WWP2: variants seen among roughly 807,000 people sequenced by gnomAD.
WWP2 encodes WW domain containing E3 ubiquitin protein ligase 2.
WWP2 carries 57 observed loss-of-function variants against 121.0 expected under a neutral mutation model. That is an observed-to-expected ratio of 0.47 (90% CI 0.38 to 0.59). The LOEUF is 0.59. WWP2 is among the 20% of genes least tolerant of loss of function. The probability of loss-of-function intolerance (pLI) is 0.00; values close to 1 mark genes in which losing one functional copy is unlikely to be tolerated. For missense variants in WWP2, 962 were observed against 1,158.9 expected, an observed-to-expected ratio of 0.83 and a Z score of 2.47; for synonymous variants, 449 against 441.3, an observed-to-expected ratio of 1.02 and a Z score of -0.22.
intron 9 of WWP2, among the ~76,000 whole-genome samples, chr16:69,912,945 A>T: frequency 5.4e-4 from 2 of 3,672 alleles, no homozygotes; most frequent in Non-Finnish European, 8.4e-4. Flanking sequence ...AAAAAAAAAA[A>T]AAAAAAAAAA....
At chr16:69,917,501 T>A (rs184366264) in intron 9 of WWP2, 6 of 503,052 alleles carry the variant, frequency 1.2e-5, no homozygotes, top group Non-Finnish European at 2.1e-5. Context: ...CAGAACCACA[T>A]GGATCCCCAA....
At chr16:69,896,601 T>C (rs2058107940) in intron 8 of WWP2, among the ~76,000 whole-genome samples, 1 of 152,160 alleles carries the variant, frequency 6.6e-6, no homozygotes, top group Non-Finnish European at 1.5e-5. Flanking sequence ...CTGATCTTAT[T>C]ATAAAAGCCC....
At chr16:69,917,670 G>C (rs1281226425) in intron 9 of WWP2, 39 bp from the exon 10 acceptor site, 1 of 1,590,280 alleles carries the variant, frequency 6.3e-7, no homozygotes, top group Admixed American at 1.7e-5. Flanking sequence ...GATGGGAGTG[G>C]GGTGGTCATT....
At chr16:69,878,887 T>C (rs901108870) in intron 7 of WWP2, among the ~76,000 whole-genome samples, 1 of 152,094 alleles carries the variant, frequency 6.6e-6, no homozygotes, top group African/African-American at 2.4e-5. Context: ...CTAGTGTGTA[T>C]TAGCAGACCG....
chr16:69,866,711 G>A (rs1481210891), intron 6 of WWP2, among the ~76,000 whole-genome samples: 2 of 152,240 alleles, frequency 1.3e-5, no homozygotes, highest in South Asian at 4.2e-4. Flanking sequence ...TGTCGAGGAT[G>A]GGTTGCTTCT....
intron 6 of WWP2, among the ~76,000 whole-genome samples, chr16:69,849,590 A>T (rs16959270): frequency 2.6e-4 from 40 of 152,232 alleles, no homozygotes; most frequent in African/African-American, 8.4e-4. Context: ...GTTGGTAAAT[A>T]TGGAATAGGA....
intron 6 of WWP2, among the ~76,000 whole-genome samples, chr16:69,847,116 G>C (rs911396343): frequency 3.3e-5 from 5 of 151,870 alleles, no homozygotes; most frequent in African/African-American, 1.2e-4. Flanking sequence ...ATGGAGTCTT[G>C]CTCTGTCGCC....
At position 69,909,109 on chromosome 16, in the gene WWP2, C is replaced by T. The variant is rs554491199; in HGVS notation, c.1004+259C>T. ...GAGTGTTGATGCATTCCGCCGTACCCTATGCCCAGCCTGTCCCTAAAGGCA... is the reference window on the plus strand; with the variant it reads ...GAGTGTTGATGCATTCCGCCGTACCTTATGCCCAGCCTGTCCCTAAAGGCA... On this transcript the variant is annotated intron_variant, in intron 9 of 23. Transcript: ENST00000359154. 343 of 1,177,248 alleles carry T rather than the reference C, an allele frequency of 2.9e-4. 5 individuals are homozygous for T. In the South Asian group the frequency reaches 9.5e-3, roughly 33 times the overall value. The allele number at this position is 1,177,248 out of a possible 1,614,324, so 72.9% of individuals were successfully genotyped here.
chr16:69,837,043 C>A (rs2151866355), intron 4 of WWP2, among the ~76,000 whole-genome samples: 1 of 152,308 alleles, frequency 6.6e-6, no homozygotes, highest in East Asian at 1.9e-4. Context: ...CCCACCTCTG[C>A]CTCCTCAGTA....
chr16:69,889,916 C>T (rs183931443), intron 8 of WWP2, among the ~76,000 whole-genome samples: 1 of 152,194 alleles, frequency 6.6e-6, no homozygotes, highest in Admixed American at 6.5e-5. Context: ...TTTTCACTCC[C>T]TTATCCCATC....
chr16:69,835,381 G>GACTAAAGAAT (rs2056858545), intron 4 of WWP2, among the ~76,000 whole-genome samples: 1 of 152,116 alleles, frequency 6.6e-6, no homozygotes, highest in Non-Finnish European at 1.5e-5. Flanking sequence ...GTATTATAGG[G>GACTAAAGAAT]TTCCTCTGGC....
intron 4 of WWP2, among the ~76,000 whole-genome samples, chr16:69,836,788 G>C (rs560438690): frequency 6.6e-6 from 1 of 151,974 alleles, no homozygotes; most frequent in Non-Finnish European, 1.5e-5. Context: ...GTGATTTTTT[G>C]TATTTTTAAT....
intron 4 of WWP2, among the ~76,000 whole-genome samples, chr16:69,814,555 C>T (rs535971367): frequency 1.3e-5 from 2 of 152,314 alleles, no homozygotes; most frequent in Admixed American, 1.3e-4. Context: ...TGAAAAGCTC[C>T]GTACTTTATG....
intron 9 of WWP2, among the ~76,000 whole-genome samples, chr16:69,913,836 G>A (rs527956189): frequency 1.3e-5 from 2 of 151,922 alleles, no homozygotes; most frequent in South Asian, 4.2e-4. Context: ...TTGGGAGGGC[G>A]AGGCAGGTGG....
chr16:69,917,944 C>CT (rs2058500764), intron 10 of WWP2, 61 bp downstream of exon 10: 3 of 1,573,566 alleles, frequency 1.9e-6, no homozygotes, highest in African/African-American at 1.3e-5. Context: ...GAATGTGCAG[C>CT]CACGTGTTCT....
At position 69,935,130 on chromosome 16, in the gene WWP2, G is replaced by A. The variant is rs186386440; in HGVS notation, c.1843-723G>A. Among the ~76,000 whole-genome samples, 76 of 152,304 alleles carry A rather than the reference G, an allele frequency of 5.0e-4. No homozygotes were observed. Among genetic ancestry groups the A allele is most frequent in the African/African-American group, 1.8e-3 (73 of 41,562 alleles). The stretch of plus-strand genomic sequence containing the variant: ...GCGGAGCCCGTGGGAGGCACAGCGC[G>A]GGAGCCACATGCATAGCTGGAGATG... On this transcript the variant is annotated intron_variant, in intron 17 of 23. Transcript: ENST00000359154. The surrounding 1 kb of genome is among the most constrained non-coding windows in gnomAD (Gnocchi z 5.2).
At chr16:69,903,890 T>G (rs1567419829) in intron 8 of WWP2, among the ~76,000 whole-genome samples, 1 of 152,152 alleles carries the variant, frequency 6.6e-6, no homozygotes, top group Admixed American at 6.5e-5. Context: ...GTTTTCCAAA[T>G]AGTGACTGAA....
intron 1 of WWP2, among the ~76,000 whole-genome samples, chr16:69,773,960 G>A (rs2055471470): frequency 6.6e-6 from 1 of 151,446 alleles, no homozygotes; most frequent in African/African-American, 2.4e-5. Flanking sequence ...GATCACTTGG[G>A]GAATTTTTAA....
intron 9 of WWP2, chr16:69,909,176 A>G: frequency 9.7e-7 from 1 of 1,031,490 alleles, no homozygotes; most frequent in South Asian, 4.2e-5. Flanking sequence ...AATGCCGCCA[A>G]GTTATCCAAA....
Sources: gnomAD v4.1 joint callset for allele counts (sites outside exome capture counted in the v4.1 genomes callset) on GRCh38, gnomAD v4.1.1 for gene constraint, Gnocchi (gnomAD v3.1) non-coding constraint, MANE v1.5 for transcripts, NCBI Gene and HGNC (gene_info 2026-07-23, HGNC 2026-07-21) for gene names.